TRIM71: variants seen among roughly 807,000 people sequenced by gnomAD.
TRIM71 encodes the protein E3 ubiquitin-protein ligase TRIM71.
A neutral mutation model predicts 61.2 loss-of-function variants in TRIM71; 9 were observed. The ratio of observed to expected loss-of-function variants is 0.15; its 90% CI spans 0.09 to 0.26. The LOEUF is 0.26. Among genes scored for constraint, TRIM71 ranks in the 10% least tolerant of loss-of-function variants. The pLI, the probability that TRIM71 is intolerant of heterozygous loss-of-function variation, is 1.00. For missense variants in TRIM71, 998 were observed against 1,238.7 expected, an observed-to-expected ratio of 0.81 and a Z score of 2.92; for synonymous variants, 645 against 553.2, an observed-to-expected ratio of 1.17 and a Z score of -2.33.
At chr3:32,882,412 G>A (rs1228067322) in intron 2 of TRIM71, among the ~76,000 whole-genome samples, 1 of 152,114 alleles carries the variant, frequency 6.6e-6, no homozygotes, top group East Asian at 1.9e-4. Context: ...CGGTTACTAA[G>A]TTCTACTCTT....
chr3:32,818,351 T>C lies in TRIM71; in HGVS notation c.271T>C (p.Cys91Arg). The C allele has an allele frequency of 6.8e-7, 1 of 1,475,126 alleles. No individual in the cohort carries two copies. Among genetic ancestry groups the C allele is most frequent in the Non-Finnish European group, 8.9e-7 (1 of 1,118,238 alleles). 91.4% of individuals were successfully genotyped at this position (1,475,126 alleles called of 1,614,324 possible). Reference sequence around the variant, plus strand: ...GGCGGGAGAGCCGCTCAAGCTGCGCTGCCCCGTGTGCGACCAGAAAGTAGT... The same window carrying C: ...GGCGGGAGAGCCGCTCAAGCTGCGCCGCCCCGTGTGCGACCAGAAAGTAGT... The part of the protein sequence containing the change: ...GAAGEPLKLR[C>R]PVCDQKVVLA... Residue 91 changes from cysteine to arginine, a missense_variant, in exon 1 of 4, where the codon TGC becomes CGC. Physicochemically the swap from Cys to Arg is radical, Grantham distance 180. Coordinates refer to ENST00000383763, the MANE Select transcript of TRIM71 (RefSeq NM_001039111.3).
At chr3:32,849,824 C>CTT (rs901380997) in intron 1 of TRIM71, among the ~76,000 whole-genome samples, 1 of 152,132 alleles carries the variant, frequency 6.6e-6, no homozygotes, top group Non-Finnish European at 1.5e-5. Context: ...GACCTGTGTA[C>CTT]TTTCTCTCCA....
At chr3:32,887,215 A>T (rs985440509) in intron 3 of TRIM71, among the ~76,000 whole-genome samples, 1 of 152,122 alleles carries the variant, frequency 6.6e-6, no homozygotes, top group African/African-American at 2.4e-5. Flanking sequence ...TGCCGCTTTC[A>T]CCTTAGTTAC....
At chr3:32,843,062 C>G (rs115725763) in intron 1 of TRIM71, among the ~76,000 whole-genome samples, 1 of 152,124 alleles carries the variant, frequency 6.6e-6, no homozygotes, top group East Asian at 1.9e-4. Context: ...TGGCCACAGC[C>G]CCTCCAGCTG....
chr3:32,864,845 G>GGT (rs10522411), intron 1 of TRIM71, among the ~76,000 whole-genome samples: 2,987 of 146,308 alleles, frequency 0.02, 51 homozygotes, highest in East Asian at 0.067. Flanking sequence ...AAAATTAAGT[G>GGT]GTGTGTGTGT....
In TRIM71 at chr3:32,855,128, A is replaced by G. The variant is rs542677836; in HGVS notation, c.853-18690A>G. 2.0e-5 allele frequency among the ~76,000 whole-genome samples: 3 copies of G among 152,338 alleles called. No individual in the cohort carries two copies. The South Asian group carries it at 6.2e-4, about 32-fold the overall frequency. ...ATGTATAGTGAAAAACATAGTATAT[A>G]TAGGGTTTGGTACTATCCGTGCTTT... On this transcript the variant is annotated intron_variant, in intron 1 of 3. Coordinates refer to ENST00000383763, the MANE Select transcript of TRIM71 (RefSeq NM_001039111.3).
At chr3:32,880,920 C>T (rs1297345954) in intron 2 of TRIM71, among the ~76,000 whole-genome samples, 1 of 152,040 alleles carries the variant, frequency 6.6e-6, no homozygotes, top group Non-Finnish European at 1.5e-5. Context: ...GTAAGGTGTA[C>T]ATTTATTTTA....
At chr3:32,888,131 G>A (rs1696980847) in intron 3 of TRIM71, among the ~76,000 whole-genome samples, 1 of 152,076 alleles carries the variant, frequency 6.6e-6, no homozygotes, top group Non-Finnish European at 1.5e-5. Context: ...CCTCAAGCAG[G>A]AATTATTTTG....
chr3:32,830,968 G>A (rs1438547801), intron 1 of TRIM71, among the ~76,000 whole-genome samples: 3 of 151,998 alleles, frequency 2.0e-5, no homozygotes, highest in African/African-American at 7.3e-5. Context: ...CCGCCACCAC[G>A]CCTAGCTAAT....
chr3:32,869,696 G>A (rs549510129), intron 1 of TRIM71, among the ~76,000 whole-genome samples: 2 of 152,076 alleles, frequency 1.3e-5, no homozygotes, highest in East Asian at 1.9e-4. Context: ...TCTCCCGCCC[G>A]TTCCTTTCCT....
Position 32,887,632 on chromosome 3 carries a change from T to C in TRIM71, c.1155+1564T>C, listed in dbSNP as rs528197970. Among the ~76,000 whole-genome samples the C allele has an allele frequency of 3.3e-5, 5 of 152,278 alleles. No individual in the cohort carries two copies. In the East Asian group the frequency reaches 9.7e-4, roughly 29 times the overall value. On this transcript the variant is annotated intron_variant, in intron 3 of 3. Coordinates refer to ENST00000383763, the MANE Select transcript of TRIM71 (RefSeq NM_001039111.3). The stretch of plus-strand genomic sequence containing the variant: ...AGTGCAAGGATTAAGATAACCCTGT[T>C]GTAAATATCCAGATGCCTCTCTTCA...
chr3:32,845,013 AACAAGG>A (rs1000775445), intron 1 of TRIM71, among the ~76,000 whole-genome samples: 24 of 152,190 alleles, frequency 1.6e-4, no homozygotes, highest in African/African-American at 5.6e-4. Flanking sequence ...CTTCAACACA[AACAAGG>A]ACAGCTAGAA....
chr3:32,885,498 C>T (rs543185399), intron 2 of TRIM71, among the ~76,000 whole-genome samples: 1 of 151,746 alleles, frequency 6.6e-6, no homozygotes, highest in Non-Finnish European at 1.5e-5. Context: ...TACCCTGTCG[C>T]ACACCCTCAC....
chr3:32,848,030 A>G (rs1297480197), intron 1 of TRIM71, among the ~76,000 whole-genome samples: 1 of 152,202 alleles, frequency 6.6e-6, no homozygotes, highest in African/African-American at 2.4e-5. Context: ...CCATTTATAT[A>G]AGGAACTTGA....
intron 1 of TRIM71, among the ~76,000 whole-genome samples, chr3:32,825,466 G>T (rs950040599): frequency 2.0e-5 from 3 of 152,132 alleles, no homozygotes; most frequent in Admixed American, 6.5e-5. Context: ...TCTCCATCCA[G>T]TTCTCTACAC....
intron 1 of TRIM71, among the ~76,000 whole-genome samples, chr3:32,837,182 G>A (rs115239499): frequency 1.7e-3 from 262 of 152,282 alleles, no homozygotes; most frequent in African/African-American, 6.1e-3. Context: ...TTTCCTAAGC[G>A]TATGCAATGC....
At chr3:32,862,426 G>A (rs762303489) in intron 1 of TRIM71, among the ~76,000 whole-genome samples, 10 of 152,198 alleles carry the variant, frequency 6.6e-5, no homozygotes, top group Admixed American at 1.3e-4. Flanking sequence ...TCAGCCACAT[G>A]GGTGATTGAA....
intron 3 of TRIM71, 146 bp downstream of exon 3, chr3:32,886,214 A>C (rs1286415583): frequency 1.7e-6 from 2 of 1,143,526 alleles, no homozygotes; most frequent in East Asian, 5.5e-5. Context: ...GTTAGCAGAA[A>C]GATGCAGGGG....
At chr3:32,853,838 C>T (rs1251342549) in intron 1 of TRIM71, among the ~76,000 whole-genome samples, 1 of 152,146 alleles carries the variant, frequency 6.6e-6, no homozygotes, top group African/African-American at 2.4e-5. Flanking sequence ...GAAACCCTAT[C>T]TCGACTAAAA....
Sources: allele counts gnomAD v4.1 joint callset (sites outside exome capture counted in the v4.1 genomes callset), GRCh38; gene constraint gnomAD v4.1.1; transcripts MANE v1.5; gene names NCBI Gene and HGNC (gene_info 2026-07-23, HGNC 2026-07-21).